EXOC4: variants seen among roughly 807,000 people sequenced by gnomAD.
EXOC4 encodes SEC8-like 1.
Under a neutral mutation model 107.2 loss-of-function variants are expected in EXOC4, and 71 were observed. The ratio of observed to expected loss-of-function variants is 0.66; its 90% confidence interval spans 0.55 to 0.81. The LOEUF (loss-of-function observed/expected upper bound fraction) is 0.81. Among genes scored for constraint, EXOC4 ranks in the 30% least tolerant of loss-of-function variants. The pLI is 0.00. For missense variants in EXOC4, 1,108 were observed against 1,189.6 expected (o/e 0.93, Z 1.01); for synonymous variants, 456 against 441.2 (o/e 1.03, Z -0.42).
At chr7:133,793,010 A>T (rs185802844) in intron 10 of EXOC4, among the ~76,000 whole-genome samples, 23 of 152,294 alleles carry the variant, frequency 1.5e-4, no homozygotes, top group Admixed American at 5.2e-4. Context: ...ATGCACGTGG[A>T]CAATCACCTT....
In EXOC4 at chr7:133,641,429, C is replaced by CAA. The variant is rs1802851227; in HGVS notation, c.1514+11289_1514+11290insAA. On this transcript the variant is annotated intron_variant, in intron 10 of 17. Coordinates refer to ENST00000253861, the MANE Select transcript of EXOC4 (RefSeq NM_021807.4). ...TTAAATCTCTACACTGTCCTGAGCA[C>CAA]ACATATATATATAGATACACACACA... Among the ~76,000 whole-genome samples, 6 of 119,986 alleles carry CAA rather than the reference C, an allele frequency of 5.0e-5. No homozygotes were observed. In the South Asian group the frequency reaches 1.9e-3, roughly 38 times the overall value. The allele number at this position is 119,986 out of a possible 152,430, so 78.7% of individuals were successfully genotyped here.
intron 1 of EXOC4, among the ~76,000 whole-genome samples, chr7:133,273,452 C>T (rs564484989): frequency 6.6e-6 from 1 of 152,138 alleles, no homozygotes; most frequent in Non-Finnish European, 1.5e-5. Context: ...TTGTGGTTCC[C>T]AGTAGTGTTC....
chr7:133,591,241 A>T (rs1337389743), intron 9 of EXOC4, among the ~76,000 whole-genome samples: 2 of 152,078 alleles, frequency 1.3e-5, no homozygotes, highest in Non-Finnish European at 2.9e-5. Context: ...TATTTTCCCC[A>T]TGCTGGCCTC....
chr7:133,889,351 T>G (rs1799155748), intron 11 of EXOC4, among the ~76,000 whole-genome samples: 2 of 151,686 alleles, frequency 1.3e-5, no homozygotes, highest in Admixed American at 1.3e-4. Flanking sequence ...TATTTGGTTG[T>G]TGTTTTGAGT....
intron 13 of EXOC4, among the ~76,000 whole-genome samples, chr7:133,937,368 T>G (rs1800327836): frequency 6.6e-6 from 1 of 152,216 alleles, no homozygotes; most frequent in South Asian, 2.1e-4. Flanking sequence ...AACAACTAAG[T>G]AAATGAATAA....
At chr7:133,691,495 ATAT>A (rs1394653178) in intron 10 of EXOC4, among the ~76,000 whole-genome samples, 1 of 152,224 alleles carries the variant, frequency 6.6e-6, no homozygotes, top group African/African-American at 2.4e-5. Flanking sequence ...AGTAAATAAA[ATAT>A]TAATAATACA....
chr7:134,075,546 A>C, the EXOC4 span, among the ~76,000 whole-genome samples: 1 of 152,186 alleles, frequency 6.6e-6, no homozygotes, highest in South Asian at 2.1e-4. Context: ...AAACCATCAG[A>C]TCTCATGAGA....
intron 7 of EXOC4, among the ~76,000 whole-genome samples, chr7:133,446,773 G>A (rs1268229210): frequency 6.6e-6 from 1 of 152,194 alleles, no homozygotes; most frequent in Non-Finnish European, 1.5e-5. Context: ...TAGTCACTGA[G>A]AGGACTAATA....
In EXOC4 at chr7:133,314,096, C is replaced by T. The variant is rs142017241; in HGVS notation, c.657-3188C>T. Among the ~76,000 whole-genome samples the T allele has an allele frequency of 9.7e-4, 147 of 151,928 alleles. 1 individual carries two copies. Among genetic ancestry groups the T allele is most frequent in the East Asian group, 7.7e-4 (4 of 5,176 alleles). On this transcript the variant is annotated intron_variant, in intron 4 of 17. Transcript: ENST00000253861. ...TGCTTTCTCTGAGGGATTAAAAACC[C>T]GTTGAAGGTATTAATTAATCAATCC... is the stretch of plus-strand genomic sequence containing the variant.
intron 11 of EXOC4, among the ~76,000 whole-genome samples, chr7:133,848,905 A>G (rs1798187808): frequency 6.6e-6 from 1 of 152,184 alleles, no homozygotes; most frequent in African/African-American, 2.4e-5. Context: ...TTCAGTACAT[A>G]TTTATTGAGT....
chr7:133,931,224 G>T (rs1277528205), intron 13 of EXOC4, among the ~76,000 whole-genome samples: 1 of 152,156 alleles, frequency 6.6e-6, no homozygotes, highest in Non-Finnish European at 1.5e-5. Flanking sequence ...TGACCAGGGT[G>T]CCTAGCCGGT....
At chr7:133,942,786 G>A (rs1370007388) in intron 14 of EXOC4, among the ~76,000 whole-genome samples, 2 of 152,090 alleles carry the variant, frequency 1.3e-5, no homozygotes, top group Non-Finnish European at 2.9e-5. Context: ...GCAAGTTGTG[G>A]TCATTTCTGA....
At chr7:133,621,374 CAA>C (rs5887638) in intron 9 of EXOC4, among the ~76,000 whole-genome samples, 2 of 151,028 alleles carry the variant, frequency 1.3e-5, no homozygotes, top group African/African-American at 2.4e-5. Context: ...TGTTGAACTA[CAA>C]AAAAAAATAT....
At chr7:133,809,758 A>G (rs1355314244) in intron 10 of EXOC4, among the ~76,000 whole-genome samples, 1 of 152,214 alleles carries the variant, frequency 6.6e-6, no homozygotes, top group African/African-American at 2.4e-5. Flanking sequence ...AGCAAAGTGA[A>G]AAGTTTATGT....
At chr7:133,896,021 C>T (rs1162942069) in intron 12 of EXOC4, among the ~76,000 whole-genome samples, 2 of 152,152 alleles carry the variant, frequency 1.3e-5, no homozygotes, top group African/African-American at 4.8e-5. Flanking sequence ...TCATGTTCCT[C>T]AAGGAAATTC....
chr7:133,354,430 GCA>G (rs1795980058), intron 5 of EXOC4, among the ~76,000 whole-genome samples: 1 of 152,086 alleles, frequency 6.6e-6, no homozygotes, highest in Non-Finnish European at 1.5e-5. Flanking sequence ...ACATGGGCAT[GCA>G]CAGTCACCTT....
At position 133,744,990 on chromosome 7, in the gene EXOC4, A is replaced by T. The variant is rs1344754432; in HGVS notation, c.1515-72335A>T. On this transcript the variant is annotated intron_variant, in intron 10 of 17. Coordinates refer to ENST00000253861, the MANE Select transcript of EXOC4 (RefSeq NM_021807.4). The stretch of plus-strand genomic sequence containing the variant: ...TGTGTTTTTTACTTAAAAAAAAGTT[A>T]TTCCAAATGCATAATCACTTCTGGA... Among the ~76,000 whole-genome samples the T allele has an allele frequency of 2.4e-4, 37 of 152,196 alleles. 1 individual carries two copies. The highest frequency in any genetic ancestry group is 2.4e-3 in the Admixed American group (37 of 15,268).
At chr7:133,534,618 G>T (rs1800239835) in intron 9 of EXOC4, among the ~76,000 whole-genome samples, 1 of 152,122 alleles carries the variant, frequency 6.6e-6, no homozygotes, top group South Asian at 2.1e-4. Flanking sequence ...TAGTAGTATT[G>T]AATTACATTA....
chr7:134,012,378 A>T (rs1794790874), intron 17 of EXOC4, among the ~76,000 whole-genome samples: 1 of 152,194 alleles, frequency 6.6e-6, no homozygotes, highest in African/African-American at 2.4e-5. Context: ...ATATGGTCAG[A>T]TGAGGATATA....
Sources: allele counts gnomAD v4.1 joint callset (sites outside exome capture counted in the v4.1 genomes callset), GRCh38; gene constraint gnomAD v4.1.1; transcripts MANE v1.5; gene names NCBI Gene and HGNC (gene_info 2026-07-23, HGNC 2026-07-21).